The following XAB2 variants were observed in gnomAD, a reference collection of about 807,000 sequenced individuals.
XAB2 encodes the protein pre-mRNA-splicing factor SYF1.
In XAB2, 57 loss-of-function variants were observed where a neutral mutation model predicts 113.4. The observed-to-expected ratio is 0.50, with a 90% confidence interval of 0.41 to 0.63. XAB2 has a LOEUF of 0.63. Ranked by LOEUF, XAB2 falls within the 20% of genes least tolerant of loss-of-function variation. XAB2 has a pLI of 0.00. For synonymous variants in XAB2, 497 were observed against 498.8 expected, an observed-to-expected ratio of 1.00 and a Z score of 0.05; for missense variants, 1,037 against 1,233.3, an observed-to-expected ratio of 0.84 and a Z score of 2.38.
chr19:7,627,920 C>T lies in XAB2; in HGVS notation c.201-69G>A. Reference sequence around the variant, plus strand: ...GACACCCCCAGAACCATTTGCCCTGCCCCAGTTGGCAAATGTGGGAAGAAG... The same window carrying T: ...GACACCCCCAGAACCATTTGCCCTGTCCCAGTTGGCAAATGTGGGAAGAAG... On this transcript the variant is annotated intron_variant, in intron 2 of 18. Coordinates refer to ENST00000358368, the MANE Select transcript of XAB2 (RefSeq NM_020196.3). This position sits in a 1 kb window ranked among gnomAD's most constrained non-coding sequence, Gnocchi z 4.5. 6.4e-7 allele frequency: 1 copy of T among 1,571,124 alleles called. No individual in the cohort carries two copies. Among genetic ancestry groups the T allele is most frequent in the Non-Finnish European group, 8.7e-7 (1 of 1,154,446 alleles).
rs1016778502 is a variant in XAB2, at chr19:7,624,737, T to C, written c.823-292A>G. 1.3e-5 allele frequency among the ~76,000 whole-genome samples: 2 copies of C among 152,156 alleles called. No homozygotes were observed. The highest frequency in any genetic ancestry group is 4.8e-5 in the African/African-American group (2 of 41,442). On this transcript the variant is annotated intron_variant, in intron 6 of 18. Coordinates refer to ENST00000358368, the MANE Select transcript of XAB2 (RefSeq NM_020196.3). This position sits in a 1 kb window ranked among gnomAD's most constrained non-coding sequence, Gnocchi z 4.2. ...CGACTGAGACACATGTGTGAAGCAC[T>C]TGGCACCCAATAGGTGGCCAAAAAC...
In XAB2 at chr19:7,627,903, C is replaced by T; in HGVS notation, c.201-52G>A. The T allele has an allele frequency of 6.3e-7, 1 of 1,587,582 alleles. No homozygotes were observed. Among genetic ancestry groups the T allele is most frequent in the Non-Finnish European group, 8.6e-7 (1 of 1,162,052 alleles). Reference sequence around the variant, plus strand: ...GATCGGTCAGCTTTATGGACACCCCCAGAACCATTTGCCCTGCCCCAGTTG... The same window carrying T: ...GATCGGTCAGCTTTATGGACACCCCTAGAACCATTTGCCCTGCCCCAGTTG... On this transcript the variant is annotated intron_variant, in intron 2 of 18. Transcript: ENST00000358368. This position sits in a 1 kb window ranked among gnomAD's most constrained non-coding sequence, Gnocchi z 4.5.
rs1429933416 is a variant in XAB2, at chr19:7,623,898, A to G, written c.968-16T>C. 6.5e-7 allele frequency: 1 copy of G among 1,546,232 alleles called. No homozygotes were observed. The highest frequency in any genetic ancestry group is 8.7e-7 in the Non-Finnish European group (1 of 1,149,498). On this transcript the variant is annotated splice_polypyrimidine_tract_variant and intron_variant, in intron 7 of 18. Coordinates refer to ENST00000358368, the MANE Select transcript of XAB2 (RefSeq NM_020196.3). The surrounding 1 kb of genome is among the most constrained non-coding windows in gnomAD (Gnocchi z 4.6). ...TCCACATCATCTGGGAGCCGCGAACATGTTTGTCAGGGGCGGAGACCCAGG... is the reference window on the plus strand; with the variant it reads ...TCCACATCATCTGGGAGCCGCGAACGTGTTTGTCAGGGGCGGAGACCCAGG...
At position 7,627,618 on chromosome 19, in the gene XAB2, G is replaced by T. The variant is rs1311391160; in HGVS notation, c.324+110C>A. 1.9e-6 allele frequency: 3 copies of T among 1,550,372 alleles called. No individual in the cohort carries two copies. The highest frequency in any genetic ancestry group is 2.6e-6 in the Non-Finnish European group (3 of 1,143,848). On this transcript the variant is annotated intron_variant, in intron 3 of 18. Transcript: ENST00000358368. The surrounding 1 kb of genome is among the most constrained non-coding windows in gnomAD (Gnocchi z 4.5). ...AACTTCCCATGCAAAGAAGCAACAG[G>T]AATCCAAGCCCCCATCCCTAACATG...
chr19:7,623,371 G>A lies in XAB2; in HGVS notation c.1120-82C>T. 4 of 1,558,038 alleles carry A rather than the reference G, an allele frequency of 2.6e-6. No homozygotes were observed. The highest frequency in any genetic ancestry group is 3.5e-6 in the Non-Finnish European group (4 of 1,147,606). ...GGGCAGAGCTGTGGCTCTGAGGGGTGGGGCCTGGAGGGTGCTGTGGCCCCT... is the reference window on the plus strand; with the variant it reads ...GGGCAGAGCTGTGGCTCTGAGGGGTAGGGCCTGGAGGGTGCTGTGGCCCCT... On this transcript the variant is annotated intron_variant, in intron 8 of 18. Coordinates refer to ENST00000358368, the MANE Select transcript of XAB2 (RefSeq NM_020196.3). This position sits in a 1 kb window ranked among gnomAD's most constrained non-coding sequence, Gnocchi z 4.6.
rs573306129 is a variant in XAB2 at position 7,628,908 on chromosome 19, G to A, written c.51+569C>T. Among the ~76,000 whole-genome samples, 1 of 152,304 alleles carries A rather than the reference G, an allele frequency of 6.6e-6. No individual in the cohort carries two copies. The highest frequency in any genetic ancestry group is 2.1e-4 in the South Asian group (1 of 4,828). Reference sequence around the variant, plus strand: ...ATCTCACAGGAGGAGTTATACACCAGAAGCCAAGCCTTTAACTCTGCACAC... The same window carrying A: ...ATCTCACAGGAGGAGTTATACACCAAAAGCCAAGCCTTTAACTCTGCACAC... On this transcript the variant is annotated intron_variant, in intron 1 of 18. Transcript: ENST00000358368. The surrounding 1 kb of genome is among the most constrained non-coding windows in gnomAD (Gnocchi z 4.6).
At position 7,620,092 on chromosome 19, in the gene XAB2, G is replaced by C. The variant is rs756355799; in HGVS notation, c.2267-17C>G. On this transcript the variant is annotated splice_polypyrimidine_tract_variant and intron_variant, in intron 16 of 18. Coordinates refer to ENST00000358368, the MANE Select transcript of XAB2 (RefSeq NM_020196.3). ...GGTCAGACACTAGGGGGTGGGAGCAGGGGGTCAGCGCCACGGGGGCCCCTC... is the reference window on the plus strand; with the variant it reads ...GGTCAGACACTAGGGGGTGGGAGCACGGGGTCAGCGCCACGGGGGCCCCTC... The C allele has an allele frequency of 1.9e-6, 3 of 1,608,658 alleles. No homozygotes were observed. Among genetic ancestry groups the C allele is most frequent in the Middle Eastern group, 1.7e-4 (1 of 5,968 alleles).
At position 7,625,405 on chromosome 19, in the gene XAB2, G is replaced by C. The variant is rs1177588033; in HGVS notation, c.822+475C>G. Among the ~76,000 whole-genome samples the C allele has an allele frequency of 6.6e-6, 1 of 152,088 alleles. No homozygotes were observed. Among genetic ancestry groups the C allele is most frequent in the Non-Finnish European group, 1.5e-5 (1 of 68,018 alleles). ...CCAAGGCTGACGTGCCTGCGGGCAG[G>C]AGTGCTCCCCCACCCTCAGCAGGAT... On this transcript the variant is annotated intron_variant, in intron 6 of 18. Transcript: ENST00000358368. This position sits in a 1 kb window ranked among gnomAD's most constrained non-coding sequence, Gnocchi z 5.2.
At position 7,624,744 on chromosome 19, in the gene XAB2, C is replaced by A. The variant is rs2031104461; in HGVS notation, c.823-299G>T. On this transcript the variant is annotated intron_variant, in intron 6 of 18. Transcript: ENST00000358368. This position sits in a 1 kb window ranked among gnomAD's most constrained non-coding sequence, Gnocchi z 4.2. ...GACACATGTGTGAAGCACTTGGCAC[C>A]CAATAGGTGGCCAAAAACCCCCCAG... 6.6e-6 allele frequency among the ~76,000 whole-genome samples: 1 copy of A among 152,152 alleles called. No homozygotes were observed. The highest frequency in any genetic ancestry group is 2.4e-5 in the African/African-American group (1 of 41,426).
Position 7,628,127 on chromosome 19 carries a change from A to G in XAB2, c.200+23T>C. On this transcript the variant is annotated intron_variant, in intron 2 of 18. Coordinates refer to ENST00000358368, the MANE Select transcript of XAB2 (RefSeq NM_020196.3). This position sits in a 1 kb window ranked among gnomAD's most constrained non-coding sequence, Gnocchi z 4.6. ...CCAGGTGGGGTGGGGGCTGGTGGGC[A>G]GGGCAGCTGGAGCCATTCCCACCTG... 1 of 1,604,170 alleles carries G rather than the reference A, an allele frequency of 6.2e-7. No homozygotes were observed. The highest frequency in any genetic ancestry group is 8.5e-7 in the Non-Finnish European group (1 of 1,175,480).
At position 7,619,765 on chromosome 19, in the gene XAB2, T is replaced by C. The variant is rs1327493247; in HGVS notation, c.2488A>G (p.Met830Val). 1.2e-5 allele frequency: 19 copies of C among 1,613,594 alleles called. No individual in the cohort carries two copies. The Admixed American group carries it at 1.3e-4, about 11-fold the overall frequency. Residue 830 changes from methionine (M) to valine (V), a missense_variant, in exon 18 of 19, where the codon ATG becomes GTG. Physicochemically the swap from Met to Val is conservative, Grantham distance 21. Coordinates refer to ENST00000358368, the MANE Select transcript of XAB2 (RefSeq NM_020196.3). ...CCCTCACCGTTGGGCTCCAGGTCCA[T>C]CTCGTCCTCGTCCTCGTCCTCGCCC... ...QLGEDEDEDE[M>V]DLEPNEVRLE...
Position 7,626,122 on chromosome 19 carries a change from C to A in XAB2, c.657+14G>T, listed in dbSNP as rs751560517. The A allele has an allele frequency of 1.2e-6, 2 of 1,613,224 alleles. No homozygotes were observed. The highest frequency in any genetic ancestry group is 2.2e-5 in the South Asian group (2 of 91,052). On this transcript the variant is annotated intron_variant, in intron 5 of 18. Transcript: ENST00000358368. Reference sequence around the variant, plus strand: ...TGGCCCTCCCACCCAGTTGCCGGCTCCCGGCAGGCCCACCTGGTAGTTGGA... The same window carrying A: ...TGGCCCTCCCACCCAGTTGCCGGCTACCGGCAGGCCCACCTGGTAGTTGGA...
Position 7,619,578 on chromosome 19 carries a change from G to A in XAB2, c.*8C>T. 2.6e-6 allele frequency: 4 copies of A among 1,560,720 alleles called. No individual in the cohort carries two copies. The highest frequency in any genetic ancestry group is 3.5e-6 in the Non-Finnish European group (4 of 1,152,292). On this transcript the variant is annotated 3_prime_UTR_variant, in exon 19 of 19. Transcript: ENST00000358368. ...GGGGGTGGGGAGGGGGGATGGGGGA[G>A]GGACGGGTCAGTCTTCCTTCAGGCT...
Position 7,624,285 on chromosome 19 carries a change from G to T in XAB2, c.967+16C>A. On this transcript the variant is annotated intron_variant, in intron 7 of 18. Transcript: ENST00000358368. The surrounding 1 kb of genome is among the most constrained non-coding windows in gnomAD (Gnocchi z 4.2). ...CTCAGCTCTCTCCCCACCAGCCGGG[G>T]CCCCCAGAGGCTCACCCTCCTCCTC... 2 of 1,612,014 alleles carry T rather than the reference G, an allele frequency of 1.2e-6. No homozygotes were observed. The highest frequency in any genetic ancestry group is 1.7e-6 in the Non-Finnish European group (2 of 1,179,974).
In XAB2 at chr19:7,627,514, G is replaced by C; in HGVS notation, c.325-74C>G. On this transcript the variant is annotated intron_variant, in intron 3 of 18. Transcript: ENST00000358368. The surrounding 1 kb of genome is among the most constrained non-coding windows in gnomAD (Gnocchi z 4.5). ...CCTGGCCACAGACACTCGATGTCCT[G>C]TGGCTGAGCCACACCTGGGGCCACC... is the stretch of plus-strand genomic sequence containing the variant. 1.3e-6 allele frequency: 2 copies of C among 1,557,736 alleles called. No homozygotes were observed. The highest frequency in any genetic ancestry group is 1.7e-6 in the Non-Finnish European group (2 of 1,146,934).
chr19:7,620,696 G>A, intron 14 of XAB2, 27 bp from the exon 15 acceptor site: 1 of 1,610,610 alleles, frequency 6.2e-7, no homozygotes, highest in Middle Eastern at 1.7e-4. Flanking sequence ...GGGAGGCCGG[G>A]AGTGAGGCCG....
chr19:7,626,354 C>T, intron 4 of XAB2, 84 bp from the exon 5 acceptor site: 2 of 1,549,896 alleles, frequency 1.3e-6, no homozygotes, highest in Middle Eastern at 2.1e-4. Context: ...GGGGCGTCCC[C>T]CCCCACCCAT....
At chr19:7,629,135 A>C (rs4134813) in intron 1 of XAB2, among the ~76,000 whole-genome samples, 50,357 of 152,032 alleles carry the variant, frequency 0.33, 8,591 homozygotes, top group Admixed American at 0.37. Context: ...CTCGTAAGCA[A>C]GCCTTTACTT....
chr19:7,628,674 C>T lies in XAB2; in HGVS notation c.52-376G>A, dbSNP rs970061182. ...GACACCAGACCCCACTTCTTCAAAACGTGCCTCTTCCCAGACACCAGGCCT... is the reference window on the plus strand; with the variant it reads ...GACACCAGACCCCACTTCTTCAAAATGTGCCTCTTCCCAGACACCAGGCCT... On this transcript the variant is annotated intron_variant, in intron 1 of 18. Transcript: ENST00000358368. This position sits in a 1 kb window ranked among gnomAD's most constrained non-coding sequence, Gnocchi z 4.6. 1.3e-5 allele frequency among the ~76,000 whole-genome samples: 2 copies of T among 152,108 alleles called. No homozygotes were observed. The highest frequency in any genetic ancestry group is 2.9e-5 in the Non-Finnish European group (2 of 68,012).
Sources: allele counts gnomAD v4.1 joint callset (sites outside exome capture counted in the v4.1 genomes callset), GRCh38; gene constraint gnomAD v4.1.1; non-coding constraint Gnocchi (gnomAD v3.1); transcripts MANE v1.5; gene names NCBI Gene and HGNC (gene_info 2026-07-23, HGNC 2026-07-21).